The following HMGN3 variants were observed in gnomAD, a reference collection of about 807,000 sequenced individuals.
HMGN3 encodes the protein high mobility group nucleosomal binding domain 3.
A neutral mutation model predicts 18.8 loss-of-function variants in HMGN3; 6 were observed. That is an observed-to-expected ratio of 0.32 (90% CI 0.18 to 0.63). The LOEUF (loss-of-function observed/expected upper bound fraction) is 0.63. Among genes scored for constraint, HMGN3 ranks in the 30% least tolerant of loss-of-function variants. The probability of loss-of-function intolerance (pLI) is 0.79; values close to 1 mark genes in which losing one functional copy is unlikely to be tolerated. For synonymous variants in HMGN3, 40 were observed against 36.5 expected, an observed-to-expected ratio of 1.10 and a Z score of -0.35; for missense variants, 107 against 114.2, an observed-to-expected ratio of 0.94 and a Z score of 0.29.
chr6:79,228,413 T>C (rs924836548), intron 1 of HMGN3, among the ~76,000 whole-genome samples: 4 of 152,202 alleles, frequency 2.6e-5, no homozygotes, highest in African/African-American at 9.6e-5. Flanking sequence ...ATAGATTCCA[T>C]ATCAATATTT....
At chr6:79,233,414 A>C (rs1777956209) in intron 1 of HMGN3, among the ~76,000 whole-genome samples, 2 of 152,232 alleles carry the variant, frequency 1.3e-5, no homozygotes, top group African/African-American at 4.8e-5. Flanking sequence ...ATTTTAAAAT[A>C]ATGCAGTCAC....
chr6:79,209,674 G>C (rs1490751128), intron 2 of HMGN3, among the ~76,000 whole-genome samples: 1 of 152,192 alleles, frequency 6.6e-6, no homozygotes, highest in Non-Finnish European at 1.5e-5. Flanking sequence ...AGGAATCCAT[G>C]CCATAATTAT....
chr6:79,222,294 G>A (rs373688053), intron 1 of HMGN3, among the ~76,000 whole-genome samples: 1 of 151,704 alleles, frequency 6.6e-6, no homozygotes, highest in Non-Finnish European at 1.5e-5. Context: ...CTCAAGGCTG[G>A]GGAAAAAAGC....
In HMGN3 at chr6:79,232,757, T is replaced by C. The variant is rs73764447; in HGVS notation, c.15+1789A>G. On this transcript the variant is annotated intron_variant, in intron 1 of 5. Coordinates refer to ENST00000344726, the Ensembl canonical transcript of HMGN3. ...GTGTGCACACCTAACCTACTGTTTA[T>C]GTAAACAATGGTTATAATTCCCAGG... Among the ~76,000 whole-genome samples the C allele has an allele frequency of 4.9e-3, 747 of 152,280 alleles. 7 individuals carry two copies. The highest frequency in any genetic ancestry group is 0.017 in the African/African-American group (701 of 41,558).
At chr6:79,211,294 G>T (rs1776677977) in intron 2 of HMGN3, among the ~76,000 whole-genome samples, 1 of 152,052 alleles carries the variant, frequency 6.6e-6, no homozygotes, top group Non-Finnish European at 1.5e-5. Context: ...AGTTCTATCA[G>T]CTTTCACAGC....
intron 2 of HMGN3, among the ~76,000 whole-genome samples, chr6:79,211,011 CAAAAAAAA>C (rs59749044): frequency 1.1e-5 from 1 of 89,746 alleles, no homozygotes; most frequent in Non-Finnish European, 2.1e-5. Context: ...GAAATTAATG[CAAAAAAAA>C]AAAAAAAAAA....
intron 3 of HMGN3, among the ~76,000 whole-genome samples, chr6:79,205,258 C>T (rs1050116308): frequency 3.9e-5 from 6 of 152,218 alleles, no homozygotes; most frequent in Admixed American, 6.5e-5. Context: ...TAGTGACTGA[C>T]ACCTCTTCCT....
At chr6:79,222,080 G>T (rs1489332999) in intron 1 of HMGN3, among the ~76,000 whole-genome samples, 2 of 152,092 alleles carry the variant, frequency 1.3e-5, no homozygotes, top group African/African-American at 2.4e-5. Context: ...ATAACCATTT[G>T]CCAGCAGCCC....
intron 1 of HMGN3, 142 bp downstream of exon 1, chr6:79,234,404 C>T (rs1450256821): frequency 6.9e-6 from 5 of 722,164 alleles, no homozygotes; most frequent in African/African-American, 1.7e-5. Context: ...CTGCAACAGG[C>T]ATCTAAAAAC....
intron 1 of HMGN3, among the ~76,000 whole-genome samples, chr6:79,217,271 T>C (rs1355053677): frequency 6.6e-6 from 1 of 152,190 alleles, no homozygotes; most frequent in Non-Finnish European, 1.5e-5. Context: ...ACAATCAATC[T>C]TTACCGGGGA....
intron 2 of HMGN3, among the ~76,000 whole-genome samples, chr6:79,210,337 T>G (rs767685727): frequency 5.3e-5 from 8 of 152,150 alleles, no homozygotes; most frequent in Non-Finnish European, 1.0e-4. Context: ...GGACTATCCA[T>G]GTCTCATAAA....
chr6:79,233,622 C>G (rs1777968991), intron 1 of HMGN3: 1 of 152,274 alleles, frequency 6.6e-6, no homozygotes, highest in Admixed American at 6.5e-5. Context: ...TCCCTTCCCT[C>G]CCCGGGACAA....
intron 3 of HMGN3, among the ~76,000 whole-genome samples, chr6:79,204,731 A>G (rs796749413): frequency 6.6e-6 from 1 of 152,358 alleles, no homozygotes; most frequent in African/African-American, 2.4e-5. Flanking sequence ...AATTGTAGAC[A>G]GTTTGATTTC....
intron 5 of HMGN3, 40 bp from the exon 7 acceptor site, chr6:79,201,766 TGAAAC>T: frequency 6.3e-7 from 1 of 1,599,042 alleles, no homozygotes; most frequent in South Asian, 1.1e-5. Context: ...TAGTTACTAC[TGAAAC>T]TACTATAAGC....
chr6:79,225,024 T>G (rs147821008), intron 1 of HMGN3, among the ~76,000 whole-genome samples: 4 of 152,338 alleles, frequency 2.6e-5, no homozygotes, highest in Admixed American at 2.6e-4. Flanking sequence ...CAGAATATAG[T>G]TTGTTAAAAA....
chr6:79,222,194 A>G (rs1777330776), intron 1 of HMGN3, among the ~76,000 whole-genome samples: 1 of 152,186 alleles, frequency 6.6e-6, no homozygotes, highest in Admixed American at 6.5e-5. Flanking sequence ...CTTTTAACCT[A>G]GGGAGTGTAT....
At position 79,214,242 on chromosome 6, in the gene HMGN3, C is replaced by G. The variant is rs1166804782; in HGVS notation, c.66+730G>C. ...TTTTAGAGTCTCTCTCGCTCTGTCACCCAGGCTGGAGTGCAGTGGTGTGAT... is the reference window on the plus strand; with the variant it reads ...TTTTAGAGTCTCTCTCGCTCTGTCAGCCAGGCTGGAGTGCAGTGGTGTGAT... On this transcript the variant is annotated intron_variant, in intron 2 of 5. Coordinates refer to ENST00000344726, the Ensembl canonical transcript of HMGN3. Among the ~76,000 whole-genome samples the G allele has an allele frequency of 8.6e-5, 13 of 150,910 alleles. No individual in the cohort carries two copies. The South Asian group carries it at 2.7e-3, about 32-fold the overall frequency.
intron 1 of HMGN3, among the ~76,000 whole-genome samples, chr6:79,219,534 TTTAA>T (rs1381994112): frequency 6.6e-6 from 1 of 152,120 alleles, no homozygotes; most frequent in Non-Finnish European, 1.5e-5. Flanking sequence ...TACTAATAAA[TTTAA>T]TTAACCACTA....
intron 1 of HMGN3, among the ~76,000 whole-genome samples, chr6:79,225,069 G>A (rs1441167413): frequency 6.6e-6 from 1 of 152,178 alleles, no homozygotes; most frequent in East Asian, 1.9e-4. Context: ...AACTTAAGGA[G>A]CCTTTAAAGC....
Sources: gnomAD v4.1 joint callset for allele counts (sites outside exome capture counted in the v4.1 genomes callset) on GRCh38, gnomAD v4.1.1 for gene constraint, MANE v1.5 for transcripts, NCBI Gene and HGNC (gene_info 2026-07-23, HGNC 2026-07-21) for gene names.